PRRC2B: variants seen among roughly 807,000 people sequenced by gnomAD.
The protein encoded by PRRC2B is proline rich coiled-coil 2B, also known as protein PRRC2B.
Under a neutral mutation model 242.3 loss-of-function variants are expected in PRRC2B, and 68 were observed. The observed-to-expected ratio is 0.28, with a 90% CI of 0.23 to 0.34. The LOEUF is 0.34. Ranked by LOEUF, PRRC2B falls within the 10% of genes least tolerant of loss-of-function variation. The probability of loss-of-function intolerance (pLI) is 1.00; values close to 1 mark genes in which losing one functional copy is unlikely to be tolerated. For missense variants in PRRC2B, 2,835 were observed against 2,954.8 expected, an observed-to-expected ratio of 0.96 and a Z score of 0.94; for synonymous variants, 1,228 against 1,173.6, an observed-to-expected ratio of 1.05 and a Z score of -0.95.
chr9:131,428,646 C>T (rs1159496527), intron 1 of PRRC2B, among the ~76,000 whole-genome samples: 3 of 152,124 alleles, frequency 2.0e-5, no homozygotes, highest in Non-Finnish European at 4.4e-5. Context: ...ATCTGCCCAC[C>T]TCAGCCTCCC....
At position 131,457,827 on chromosome 9, in the gene PRRC2B, G is replaced by A. The variant is rs113640901; in HGVS notation, c.1212-1337G>A. Among the ~76,000 whole-genome samples, 550 of 152,218 alleles carry A rather than the reference G, an allele frequency of 3.6e-3. 4 individuals are homozygous for A. The highest frequency in any genetic ancestry group is 0.013 in the African/African-American group (521 of 41,538). Reference sequence around the variant, plus strand: ...CTGACAAAGTCAGATAGGAATCACCGTTGTCCCCTCTGTAATTGTTGTCCC... The same window carrying A: ...CTGACAAAGTCAGATAGGAATCACCATTGTCCCCTCTGTAATTGTTGTCCC... On this transcript the variant is annotated intron_variant, in intron 10 of 31. Coordinates refer to ENST00000683519, the MANE Select transcript of PRRC2B (RefSeq NM_013318.4).
At chr9:131,400,837 A>G (rs1452855031) in intron 1 of PRRC2B, among the ~76,000 whole-genome samples, 1 of 152,040 alleles carries the variant, frequency 6.6e-6, no homozygotes, top group African/African-American at 2.4e-5. Context: ...TTTGTCTTAA[A>G]CAGTTTTTGT....
At chr9:131,478,310 T>G (rs1943761791) in intron 17 of PRRC2B, among the ~76,000 whole-genome samples, 164 bp from the exon 18 acceptor site, 1 of 152,128 alleles carries the variant, frequency 6.6e-6, no homozygotes, top group Admixed American at 6.5e-5. Flanking sequence ...CTCTTTGGTT[T>G]GGGGTAACAA....
intron 1 of PRRC2B, among the ~76,000 whole-genome samples, chr9:131,416,267 C>T (rs2131303356): frequency 6.6e-6 from 1 of 152,210 alleles, no homozygotes; most frequent in Middle Eastern, 3.4e-3. Context: ...TGCCACCACG[C>T]CTGACTAATT....
chr9:131,482,929 T>A lies in PRRC2B; in HGVS notation c.5373+22T>A. ...AAAAGTGAGGCTTTGATTTGTTTTCTTGCTTGCTTTTTTTACTTTTTATTT... is the reference window on the plus strand; with the variant it reads ...AAAAGTGAGGCTTTGATTTGTTTTCATGCTTGCTTTTTTTACTTTTTATTT... On this transcript the variant is annotated intron_variant, in intron 22 of 31. Transcript: ENST00000683519. This position sits in a 1 kb window ranked among gnomAD's most constrained non-coding sequence, Gnocchi z 5.2. The A allele has an allele frequency of 1.3e-6, 2 of 1,584,972 alleles. No homozygotes were observed. Among genetic ancestry groups the A allele is most frequent in the African/African-American group, 2.7e-5 (2 of 74,412 alleles).
intron 14 of PRRC2B, among the ~76,000 whole-genome samples, chr9:131,472,190 C>G (rs1485458111): frequency 6.6e-6 from 1 of 152,020 alleles, no homozygotes; most frequent in East Asian, 1.9e-4. Context: ...TCTTTGAGCC[C>G]TTATGTTTTG....
At chr9:131,441,227 CAG>C (rs1425600161) in intron 5 of PRRC2B, among the ~76,000 whole-genome samples, 1 of 152,162 alleles carries the variant, frequency 6.6e-6, no homozygotes, top group Non-Finnish European at 1.5e-5. Context: ...CAGAAGGTAA[CAG>C]AAAACTGCCA....
At chr9:131,408,944 C>T (rs1588239671) in intron 1 of PRRC2B, among the ~76,000 whole-genome samples, 3 of 151,856 alleles carry the variant, frequency 2.0e-5, no homozygotes, top group East Asian at 3.9e-4. Flanking sequence ...GTCTCAAACT[C>T]CCAACCTCAG....
chr9:131,406,552 C>G (rs571927944), intron 1 of PRRC2B, among the ~76,000 whole-genome samples: 1 of 152,164 alleles, frequency 6.6e-6, no homozygotes, highest in Non-Finnish European at 1.5e-5. Context: ...CCACTTAGAC[C>G]TACCTGCTAT....
intron 10 of PRRC2B, among the ~76,000 whole-genome samples, chr9:131,457,548 C>T (rs1021375425): frequency 1.3e-5 from 2 of 152,180 alleles, no homozygotes; most frequent in Non-Finnish European, 2.9e-5. Context: ...GTGCATGCAT[C>T]CATGTCTTAT....
chr9:131,477,719 T>A (rs754505876), intron 16 of PRRC2B, 25 bp from the exon 17 acceptor site: 2 of 1,491,890 alleles, frequency 1.3e-6, no homozygotes, highest in Non-Finnish European at 1.8e-6. Context: ...CAGCTCTGGT[T>A]AACAAGATCC....
chr9:131,463,636 T>TTG (rs1048998295), intron 11 of PRRC2B, among the ~76,000 whole-genome samples: 6 of 149,682 alleles, frequency 4.0e-5, no homozygotes, highest in African/African-American at 1.2e-4. Context: ...TGCTTTTTTT[T>TTG]TTTTTTTTTT....
rs573289081 is a variant in PRRC2B at position 131,482,507 on chromosome 9, C to T, written c.5120C>T (p.Ala1707Val). The T allele has an allele frequency of 1.4e-5, 23 of 1,610,802 alleles. No individual in the cohort carries two copies. The highest frequency in any genetic ancestry group is 4.4e-5 in the South Asian group (4 of 91,012). The change falls in exon 21 of 32, where the codon GCG (alanine) becomes GTG (valine). Residue 1707 changes from alanine (A) to valine (V), a missense_variant. Physicochemically the swap from Ala to Val is moderately conservative, Grantham distance 64 (BLOSUM62 0). Coordinates refer to ENST00000683519, the MANE Select transcript of PRRC2B (RefSeq NM_013318.4). The surrounding 1 kb of genome is among the most constrained non-coding windows in gnomAD (Gnocchi z 5.2). ...GAGGAGATGAGCGGGCCCGGCCTGGCGGAACCCAAGGCCGACAGCCACAAG... is the reference window on the plus strand; with the variant it reads ...GAGGAGATGAGCGGGCCCGGCCTGGTGGAACCCAAGGCCGACAGCCACAAG... Reference protein sequence around the residue: ...KPEEMSGPGLAEPKADSHKEQ... With the variant: ...KPEEMSGPGLVEPKADSHKEQ...
At chr9:131,462,710 C>T (rs762126817) in intron 11 of PRRC2B, among the ~76,000 whole-genome samples, 8 of 151,238 alleles carry the variant, frequency 5.3e-5, no homozygotes, top group Non-Finnish European at 1.0e-4. Context: ...TGGTGCCGCA[C>T]GCCGGTATTC....
intron 4 of PRRC2B, among the ~76,000 whole-genome samples, chr9:131,438,719 T>G (rs975846851): frequency 6.6e-6 from 1 of 152,168 alleles, no homozygotes; most frequent in Non-Finnish European, 1.5e-5. Context: ...GCTGTGTCAC[T>G]GTCTGTGTGA....
chr9:131,478,642 G>GCCC, intron 18 of PRRC2B, 23 bp downstream of exon 18: 3 of 482,032 alleles, frequency 6.2e-6, no homozygotes, highest in Non-Finnish European at 1.3e-5. Context: ...GGGTGGGGGG[G>GCCC]CATGGGGCTG....
At chr9:131,485,971 C>T (rs755155817) in intron 25 of PRRC2B, 114 bp from the exon 26 acceptor site, 12 of 773,690 alleles carry the variant, frequency 1.6e-5, no homozygotes, top group Admixed American at 8.0e-5. Flanking sequence ...CACACGCCCT[C>T]GTCCCCACTG....
intron 1 of PRRC2B, among the ~76,000 whole-genome samples, chr9:131,429,369 C>A (rs1206747667): frequency 2.0e-5 from 3 of 152,302 alleles, no homozygotes; most frequent in South Asian, 4.1e-4. Context: ...AGGGAAGCTT[C>A]TTTCTTGGAG....
Position 131,382,377 on chromosome 9 carries a change from T to G in PRRC2B, c.-56+8646T>G, listed in dbSNP as rs551337914. On this transcript the variant is annotated intron_variant, in intron 1 of 1. Coordinates refer to the PRRC2B transcript ENST00000682525. The stretch of plus-strand genomic sequence containing the variant: ...TCTTTTATTCCCCAGTCTCTGGTCT[T>G]TGCCTCCTCTCTTTCTCCAGTGTCT... Among the ~76,000 whole-genome samples the G allele has an allele frequency of 2.0e-5, 3 of 152,324 alleles. No homozygotes were observed. In the South Asian group the frequency reaches 6.2e-4, roughly 32 times the overall value.
Sources: gnomAD v4.1 joint callset for allele counts (sites outside exome capture counted in the v4.1 genomes callset) on GRCh38, gnomAD v4.1.1 for gene constraint, Gnocchi (gnomAD v3.1) non-coding constraint, MANE v1.5 for transcripts, NCBI Gene and HGNC (gene_info 2026-07-23, HGNC 2026-07-21) for gene names.